The following CREB5 variants were observed in gnomAD, a reference collection of about 807,000 sequenced individuals.
CREB5 encodes the protein cAMP responsive element binding protein 5, also known as cyclic AMP-responsive element-binding protein 5.
CREB5 carries 19 observed loss-of-function variants against 57.1 expected under a neutral mutation model. The ratio of observed to expected loss-of-function variants is 0.33; its 90% CI spans 0.23 to 0.49. CREB5 has a LOEUF of 0.49. CREB5 is among the 20% of genes least tolerant of loss of function. The pLI, the probability that CREB5 is intolerant of heterozygous loss-of-function variation, is 0.99. For synonymous variants in CREB5, 238 were observed against 238.3 expected (o/e 1.00, Z 0.01); for missense variants, 579 against 671.6 (o/e 0.86, Z 1.52).
chr7:28,411,794 A>T (rs573810070), upstream of CREB5, among the ~76,000 whole-genome samples: 1 of 152,226 alleles, frequency 6.6e-6, no homozygotes, highest in African/African-American at 2.4e-5. Flanking sequence ...TAGGGTAGGC[A>T]TTTGTGAAAC....
chr7:28,801,588 T>G (rs557659857), intron 7 of CREB5, among the ~76,000 whole-genome samples: 2 of 152,324 alleles, frequency 1.3e-5, no homozygotes, highest in Admixed American at 6.5e-5. Context: ...AAAATTATTC[T>G]AGTTATTCTT....
intron 7 of CREB5, among the ~76,000 whole-genome samples, chr7:28,750,601 C>G (rs898452330): frequency 9.7e-6 from 1 of 103,296 alleles, no homozygotes; most frequent in Admixed American, 9.2e-5. Context: ...CGAAATATAT[C>G]ACTTTTTTTA....
At chr7:28,805,820 T>C (rs557095563) in intron 8 of CREB5, among the ~76,000 whole-genome samples, 1 of 152,300 alleles carries the variant, frequency 6.6e-6, no homozygotes, top group Non-Finnish European at 1.5e-5. Context: ...TGGGTAATAG[T>C]AGACTAAACT....
chr7:28,799,295 AT>A (rs1180327987), intron 7 of CREB5, among the ~76,000 whole-genome samples: 1 of 152,114 alleles, frequency 6.6e-6, no homozygotes, highest in Non-Finnish European at 1.5e-5. Flanking sequence ...CTAAGTGTGT[AT>A]TTCTTCTCTC....
At chr7:28,460,789 C>G (rs177585) in intron 1 of CREB5, among the ~76,000 whole-genome samples, 1 of 151,108 alleles carries the variant, frequency 6.6e-6, no homozygotes, top group Non-Finnish European at 1.5e-5. Flanking sequence ...AGTGAGGTGT[C>G]GGGGAGTTGT....
rs567141111 is a variant in CREB5 at position 28,618,950 on chromosome 7, A to G, written c.464+48413A>G. Among the ~76,000 whole-genome samples, 14 of 152,362 alleles carry G rather than the reference A, an allele frequency of 9.2e-5. No individual in the cohort carries two copies. The East Asian group carries it at 2.3e-3, about 25-fold the overall frequency. On this transcript the variant is annotated intron_variant, in intron 5 of 10. Coordinates refer to ENST00000357727, the MANE Select transcript of CREB5 (RefSeq NM_182898.4). Reference sequence around the variant, plus strand: ...TCAGAGAATTTTATGATTTATAAAGAACTTTCCAAAACAGAATATAATTTG... The same window carrying G: ...TCAGAGAATTTTATGATTTATAAAGGACTTTCCAAAACAGAATATAATTTG...
intron 5 of CREB5, among the ~76,000 whole-genome samples, chr7:28,601,978 A>G (rs1286614913): frequency 6.6e-6 from 1 of 152,186 alleles, no homozygotes; most frequent in African/African-American, 2.4e-5. Context: ...GGAACTTCAC[A>G]TGAAAGACAT....
chr7:28,377,964 A>AG (rs1786877014), intron 1 of CREB5, among the ~76,000 whole-genome samples: 1 of 151,332 alleles, frequency 6.6e-6, no homozygotes, highest in South Asian at 2.1e-4. Context: ...AAAAAGAAAA[A>AG]GAAAAAAAAA....
At chr7:28,682,351 C>A (rs1310622177) in intron 5 of CREB5, among the ~76,000 whole-genome samples, 1 of 152,116 alleles carries the variant, frequency 6.6e-6, no homozygotes, top group East Asian at 1.9e-4. Context: ...ACACCCAGGT[C>A]GAAGGGAATG....
intron 5 of CREB5, among the ~76,000 whole-genome samples, chr7:28,659,517 T>A (rs1799507617): frequency 6.6e-6 from 1 of 152,204 alleles, no homozygotes; most frequent in Non-Finnish European, 1.5e-5. Flanking sequence ...AAACCAACAT[T>A]ATTGTTAATC....
chr7:28,757,049 A>G (rs1394467452), intron 7 of CREB5, among the ~76,000 whole-genome samples: 1 of 152,178 alleles, frequency 6.6e-6, no homozygotes, highest in African/African-American at 2.4e-5. Context: ...ATGTTGCATT[A>G]TTGCCAGTTT....
chr7:28,814,647 ATTGC>A (rs1373325848), intron 9 of CREB5, among the ~76,000 whole-genome samples: 1 of 152,122 alleles, frequency 6.6e-6, no homozygotes, highest in Non-Finnish European at 1.5e-5. Flanking sequence ...GTGACACAGA[ATTGC>A]TTGTAGAATA....
chr7:28,647,930 A>C (rs1415308096), intron 5 of CREB5, among the ~76,000 whole-genome samples: 5 of 152,198 alleles, frequency 3.3e-5, no homozygotes, highest in Non-Finnish European at 7.3e-5. Flanking sequence ...AAAAATAAAA[A>C]TAAGAGAAAA....
chr7:28,486,670 T>TTATATATATATATATATATATCTATATA (rs1791562148), intron 1 of CREB5, among the ~76,000 whole-genome samples: 1 of 89,116 alleles, frequency 1.1e-5, no homozygotes, highest in Non-Finnish European at 2.3e-5. Flanking sequence ...TCCTATGATT[T>TTATATATATATATATATATATCTATATA]TATATATATA....
chr7:28,346,768 A>T (rs1249783866), intron 1 of CREB5, among the ~76,000 whole-genome samples: 1 of 152,184 alleles, frequency 6.6e-6, no homozygotes, highest in Admixed American at 6.5e-5. Flanking sequence ...CTGAGCTCCC[A>T]GCAGCTGGGA....
At chr7:28,552,194 T>A (rs760029477) in intron 4 of CREB5, among the ~76,000 whole-genome samples, 24 of 152,132 alleles carry the variant, frequency 1.6e-4, no homozygotes, top group Non-Finnish European at 3.2e-4. Context: ...CCTGCCACCA[T>A]GCCCAGCTAA....
At chr7:28,478,454 T>A (rs563379448) in intron 1 of CREB5, among the ~76,000 whole-genome samples, 88 of 152,260 alleles carry the variant, frequency 5.8e-4, no homozygotes, top group African/African-American at 2.1e-3. Context: ...CTGATTAAGC[T>A]TTCTTACTGA....
chr7:28,581,456 C>T (rs184675460), intron 5 of CREB5, among the ~76,000 whole-genome samples: 122 of 152,218 alleles, frequency 8.0e-4, no homozygotes, highest in African/African-American at 2.7e-3. Flanking sequence ...TTATTTTTCC[C>T]GTAGACTTGG....
intron 5 of CREB5, among the ~76,000 whole-genome samples, chr7:28,663,011 G>A (rs1799671342): frequency 6.6e-6 from 1 of 151,726 alleles, no homozygotes; most frequent in Non-Finnish European, 1.5e-5. Flanking sequence ...CAGGCGTGGT[G>A]ATGGGTGCCT....
Sources: allele counts gnomAD v4.1 joint callset (sites outside exome capture counted in the v4.1 genomes callset), GRCh38; gene constraint gnomAD v4.1.1; transcripts MANE v1.5; gene names NCBI Gene and HGNC (gene_info 2026-07-23, HGNC 2026-07-21).